Variants in MINDY4 observed in about 807,000 individuals in gnomAD.
MINDY4 encodes probable ubiquitin carboxyl-terminal hydrolase MINDY-4.
MINDY4 carries 68 observed loss-of-function variants against 87.0 expected under a neutral mutation model. The observed-to-expected ratio is 0.78, with a 90% CI of 0.64 to 0.96. MINDY4 has a LOEUF of 0.96. Among genes scored for constraint, MINDY4 ranks in the 40% least tolerant of loss-of-function variants. The pLI is 0.00. For missense variants in MINDY4, 919 were observed against 928.2 expected, an observed-to-expected ratio of 0.99 and a Z score of 0.13; for synonymous variants, 379 against 363.2, an observed-to-expected ratio of 1.04 and a Z score of -0.50.
chr7:30,836,347 C>G (rs934677921), intron 6 of MINDY4, among the ~76,000 whole-genome samples: 2 of 152,240 alleles, frequency 1.3e-5, no homozygotes, highest in Non-Finnish European at 2.9e-5. Flanking sequence ...GACCCAGGCA[C>G]TTGTTCCACT....
intron 13 of MINDY4, among the ~76,000 whole-genome samples, chr7:30,871,162 G>A (rs571786756): frequency 6.6e-5 from 10 of 152,234 alleles, no homozygotes; most frequent in Middle Eastern, 3.4e-3. Context: ...GTGCAGAAGT[G>A]GGGGGGACAG....
chr7:30,780,328 A>C (rs1163589864), intron 2 of MINDY4: 2 of 152,206 alleles, frequency 1.3e-5, no homozygotes, highest in East Asian at 3.8e-4. Context: ...TCAGTTAACC[A>C]TTCTGGTTAC....
intron 5 of MINDY4, among the ~76,000 whole-genome samples, chr7:30,794,022 T>C (rs1787403314): frequency 6.6e-6 from 1 of 152,054 alleles, no homozygotes; most frequent in Non-Finnish European, 1.5e-5. Context: ...TGGGTGCAGA[T>C]CCAAGGGCAC....
chr7:30,843,651 G>A (rs80311340), intron 9 of MINDY4, among the ~76,000 whole-genome samples: 11,500 of 144,170 alleles, frequency 0.08, 902 homozygotes, highest in African/African-American at 0.21. Flanking sequence ...CACCAGGGAG[G>A]GAAGCCAGGC....
intron 5 of MINDY4, among the ~76,000 whole-genome samples, chr7:30,816,317 G>A (rs145884921): frequency 4.6e-5 from 7 of 152,166 alleles, no homozygotes; most frequent in South Asian, 2.1e-4. Flanking sequence ...TTTGTTCTCC[G>A]TTCCTGGAAT....
chr7:30,794,204 C>T (rs1478358672), intron 5 of MINDY4, among the ~76,000 whole-genome samples: 3 of 152,212 alleles, frequency 2.0e-5, no homozygotes, highest in African/African-American at 7.2e-5. Flanking sequence ...CTTCCCAACT[C>T]CCCTCCATCA....
At chr7:30,877,916 G>A (rs558038770) in intron 15 of MINDY4, among the ~76,000 whole-genome samples, 2 of 130,210 alleles carry the variant, frequency 1.5e-5, no homozygotes, top group African/African-American at 2.8e-5. Flanking sequence ...CTGACCTCAA[G>A]TGATCCACCC....
intron 13 of MINDY4, among the ~76,000 whole-genome samples, chr7:30,860,287 G>C (rs1789710478): frequency 2.0e-5 from 3 of 152,126 alleles, no homozygotes; most frequent in South Asian, 4.1e-4. Context: ...CTGTTTCCAG[G>C]GGCCTCTGCT....
intron 5 of MINDY4, among the ~76,000 whole-genome samples, chr7:30,801,530 T>G (rs369281298): frequency 2.0e-5 from 3 of 152,106 alleles, no homozygotes; most frequent in East Asian, 1.9e-4. Flanking sequence ...CTCAGCCTGT[T>G]GATCACATTT....
At chr7:30,865,137 T>C (rs1032810928) in intron 13 of MINDY4, among the ~76,000 whole-genome samples, 3 of 152,172 alleles carry the variant, frequency 2.0e-5, no homozygotes, top group African/African-American at 7.2e-5. Context: ...GCCTGACCCA[T>C]GGGCTCCCGT....
chr7:30,856,440 G>A (rs1789571066), intron 12 of MINDY4, among the ~76,000 whole-genome samples: 1 of 151,904 alleles, frequency 6.6e-6, no homozygotes, highest in Non-Finnish European at 1.5e-5. Context: ...AGGGCTCAAG[G>A]GGTCCCCTTG....
chr7:30,782,480 T>A (rs1243957159), intron 3 of MINDY4, among the ~76,000 whole-genome samples: 1 of 151,886 alleles, frequency 6.6e-6, no homozygotes, highest in East Asian at 1.9e-4. Flanking sequence ...GACAGGAGGA[T>A]CATTTGAGGC....
intron 4 of MINDY4, among the ~76,000 whole-genome samples, chr7:30,789,706 T>G (rs749805419): frequency 6.6e-6 from 1 of 152,202 alleles, no homozygotes; most frequent in African/African-American, 2.4e-5. Flanking sequence ...TAAGGTTTCC[T>G]TATTCCAGTC....
intron 9 of MINDY4, among the ~76,000 whole-genome samples, chr7:30,848,229 G>A (rs1236213223): frequency 6.6e-6 from 1 of 152,194 alleles, no homozygotes; most frequent in Non-Finnish European, 1.5e-5. Context: ...TCCATGTTGG[G>A]GAACACTGGT....
intron 13 of MINDY4, among the ~76,000 whole-genome samples, chr7:30,865,835 G>A (rs1477247792): frequency 6.6e-6 from 1 of 152,198 alleles, no homozygotes; most frequent in Non-Finnish European, 1.5e-5. Context: ...GCTCTCAATC[G>A]AAGACCCTGT....
chr7:30,815,824 G>A (rs1394437423), intron 5 of MINDY4, among the ~76,000 whole-genome samples: 1 of 152,206 alleles, frequency 6.6e-6, no homozygotes, highest in Non-Finnish European at 1.5e-5. Flanking sequence ...AGGGCAGGGA[G>A]GTGTGAACTG....
Position 30,828,706 on chromosome 7 carries a change from G to A in MINDY4, c.1101G>A (p.Lys367=), listed in dbSNP as rs373666086. The A allele has an allele frequency of 1.9e-6, 3 of 1,613,624 alleles. No individual in the cohort carries two copies. The African/African-American group carries it at 4.0e-5, about 22-fold the overall frequency. Residue 367 remains lysine, a synonymous_variant, in exon 6 of 18, where the codon AAG becomes AAA. Coordinates refer to ENST00000265299, the MANE Select transcript of MINDY4 (RefSeq NM_032222.3). ...VRKNQLLPSD[K]VDGELGALRL... is the part of the protein sequence containing the mutation. ...AAAATCAGTTGCTGCCGTCTGACAA[G>A]GTGGATGGTGAGCTGGGTGCCCTGC...
intron 5 of MINDY4, among the ~76,000 whole-genome samples, chr7:30,798,114 T>G (rs1031049993): frequency 6.6e-6 from 1 of 152,184 alleles, no homozygotes; most frequent in African/African-American, 2.4e-5. Context: ...GCTAAATGGC[T>G]TAGCCTGTTG....
intron 15 of MINDY4, among the ~76,000 whole-genome samples, chr7:30,881,475 T>G (rs921351500): frequency 2.6e-5 from 4 of 152,204 alleles, no homozygotes; most frequent in Non-Finnish European, 2.9e-5. Flanking sequence ...CACTCAGACC[T>G]TTCCCTCCTG....
Sources: allele counts gnomAD v4.1 joint callset (sites outside exome capture counted in the v4.1 genomes callset), GRCh38; gene constraint gnomAD v4.1.1; transcripts MANE v1.5; gene names NCBI Gene and HGNC (gene_info 2026-07-23, HGNC 2026-07-21).